Variants in MUC7 observed in about 807,000 individuals in gnomAD.
The protein encoded by MUC7 is mucin-7.
In MUC7, 2 loss-of-function variants were observed where a neutral mutation model predicts 2.5. The ratio of observed to expected loss-of-function variants is 0.81; its 90% CI spans 0.33 to 2.55. MUC7 has a LOEUF of 2.55. Ranked by LOEUF, MUC7 falls within the 30% of genes most tolerant of loss-of-function variation. The probability of loss-of-function intolerance (pLI) is 0.11; values close to 1 mark genes in which losing one functional copy is unlikely to be tolerated. For synonymous variants in MUC7, 133 were observed against 173.4 expected (o/e 0.77, Z 1.83); for missense variants, 408 against 455.6 (o/e 0.90, Z 0.95).
intron 1 of MUC7, among the ~76,000 whole-genome samples, chr4:70,472,546 C>T (rs1040326159): frequency 8.5e-5 from 13 of 152,054 alleles, no homozygotes; most frequent in African/African-American, 1.9e-4. Context: ...GTAACCATTT[C>T]GTTTTTCAAT....
At chr4:70,464,181 G>C (rs59050830) in intron 1 of MUC7, among the ~76,000 whole-genome samples, 11,620 of 152,226 alleles carry the variant, frequency 0.076, 645 homozygotes, top group East Asian at 0.19. Flanking sequence ...GGGAAGCCAT[G>C]AGGGACTGTG....
upstream of MUC7, among the ~76,000 whole-genome samples, chr4:70,469,789 A>G (rs919347941): frequency 6.6e-6 from 1 of 152,200 alleles, no homozygotes; most frequent in Non-Finnish European, 1.5e-5. Flanking sequence ...GAGAAATAGG[A>G]ATGCTTTTAT....
chr4:70,476,486 T>C (rs1577915693), intron 2 of MUC7, among the ~76,000 whole-genome samples: 1 of 152,306 alleles, frequency 6.6e-6, no homozygotes, highest in East Asian at 1.9e-4. Flanking sequence ...AAGTGCCTGG[T>C]GAGAGAAAGA....
chr4:70,461,914 A>G (rs1168173106), intron 1 of MUC7, among the ~76,000 whole-genome samples: 2 of 152,242 alleles, frequency 1.3e-5, no homozygotes, highest in Admixed American at 6.5e-5. Flanking sequence ...CATGAAAAAG[A>G]AAGGTTGACA....
chr4:70,464,975 C>T (rs1039293517), intron 1 of MUC7, among the ~76,000 whole-genome samples: 5 of 152,130 alleles, frequency 3.3e-5, no homozygotes, highest in Non-Finnish European at 5.9e-5. Flanking sequence ...CAGCAGGGTT[C>T]GGCAGACACC....
chr4:70,480,394 A>G lies in MUC7; in HGVS notation c.55-405A>G, dbSNP rs934154321. Among the ~76,000 whole-genome samples the G allele has an allele frequency of 2.6e-5, 4 of 152,174 alleles. No individual in the cohort carries two copies. In the East Asian group the frequency reaches 7.7e-4, roughly 29 times the overall value. On this transcript the variant is annotated intron_variant, in intron 2 of 2. Coordinates refer to ENST00000304887, the MANE Select transcript of MUC7 (RefSeq NM_152291.3). ...GGTGTAATCTAGAAAGGGCTCCTGGATCTCAGTTGAATGTCTTTGACTAAA... is the reference window on the plus strand; with the variant it reads ...GGTGTAATCTAGAAAGGGCTCCTGGGTCTCAGTTGAATGTCTTTGACTAAA...
intron 1 of MUC7, among the ~76,000 whole-genome samples, chr4:70,454,924 G>A (rs1411531755): frequency 2.6e-5 from 4 of 152,124 alleles, no homozygotes; most frequent in African/African-American, 7.2e-5. Flanking sequence ...ATTGTATAAC[G>A]TTTAGCCACA....
chr4:70,453,351 T>C (rs1409702334), intron 1 of MUC7, among the ~76,000 whole-genome samples: 1 of 152,184 alleles, frequency 6.6e-6, no homozygotes, highest in Non-Finnish European at 1.5e-5. Context: ...CGAAATGCAG[T>C]CCTTTCCAGT....
intron 2 of MUC7, 63 bp downstream of exon 2, chr4:70,474,138 C>A: frequency 7.2e-7 from 1 of 1,388,908 alleles, no homozygotes; most frequent in Non-Finnish European, 1.0e-6. Flanking sequence ...AGTGTACCTA[C>A]CTGAGACTTT....
In MUC7 at chr4:70,481,313, C is replaced by A. The variant is rs1345463521; in HGVS notation, c.569C>A (p.Ala190Asp). The A allele has an allele frequency of 6.2e-7, 1 of 1,612,534 alleles. No individual in the cohort carries two copies. Among genetic ancestry groups the A allele is most frequent in the Non-Finnish European group, 8.5e-7 (1 of 1,179,306 alleles). The change falls in exon 3 of 3, where the codon GCT becomes GAT. Residue 190 changes from alanine to aspartate, a missense_variant. Ala to Asp is a moderately radical substitution (Grantham distance 126, BLOSUM62 -2). Transcript: ENST00000304887. ...TCCTCAGCTCCACCAGAGACCACAGCTGCCCCACCCACACCTTCTGCAACT... is the reference window on the plus strand; with the variant it reads ...TCCTCAGCTCCACCAGAGACCACAGATGCCCCACCCACACCTTCTGCAACT... Reference protein sequence around the residue: ...PSSSAPPETTAAPPTPSATTQ... With the variant: ...PSSSAPPETTDAPPTPSATTQ...
intron 2 of MUC7, among the ~76,000 whole-genome samples, chr4:70,475,357 C>T (rs1431075518): frequency 6.6e-6 from 1 of 152,072 alleles, no homozygotes; most frequent in East Asian, 1.9e-4. Flanking sequence ...ATTAGACTTC[C>T]ACATCAAGAT....
intron 1 of MUC7, 76 bp from the exon 2 acceptor site, chr4:70,473,931 A>G: frequency 9.4e-7 from 1 of 1,061,328 alleles, no homozygotes; most frequent in Non-Finnish European, 1.4e-6. Context: ...TCTAATAAAA[A>G]TAAGTTATTT....
chr4:70,456,327 C>T (rs1734411258), intron 1 of MUC7, among the ~76,000 whole-genome samples: 1 of 152,108 alleles, frequency 6.6e-6, no homozygotes, highest in South Asian at 2.1e-4. Flanking sequence ...TGATAATAAG[C>T]ATGTCAAAAA....
At chr4:70,440,598 G>T (rs1350856000) in intron 1 of MUC7, among the ~76,000 whole-genome samples, 1 of 152,054 alleles carries the variant, frequency 6.6e-6, no homozygotes, top group East Asian at 1.9e-4. Flanking sequence ...AAAATAATTT[G>T]AATGTTTCTA....
intron 1 of MUC7, among the ~76,000 whole-genome samples, chr4:70,458,298 T>C (rs560788309): frequency 6.6e-6 from 1 of 152,134 alleles, no homozygotes; most frequent in East Asian, 1.9e-4. Flanking sequence ...GAAACCCTCT[T>C]AGCAACTAGG....
At chr4:70,450,278 A>T (rs994686496) in intron 1 of MUC7, among the ~76,000 whole-genome samples, 1 of 152,030 alleles carries the variant, frequency 6.6e-6, no homozygotes, top group Non-Finnish European at 1.5e-5. Context: ...CAATGTTTCC[A>T]AGGTCTCTTA....
intron 2 of MUC7, among the ~76,000 whole-genome samples, chr4:70,478,800 T>A (rs1319771390): frequency 1.3e-5 from 2 of 151,764 alleles, no homozygotes; most frequent in East Asian, 3.9e-4. Context: ...TTCTATTTTA[T>A]ATGAGAAAAC....
intron 1 of MUC7, among the ~76,000 whole-genome samples, chr4:70,440,087 C>T (rs1000440732): frequency 6.6e-6 from 1 of 151,908 alleles, no homozygotes; most frequent in African/African-American, 2.4e-5. Flanking sequence ...CCTAGAGATG[C>T]ACATATATGG....
At chr4:70,448,888 G>A (rs1734209947) in intron 1 of MUC7, among the ~76,000 whole-genome samples, 2 of 152,134 alleles carry the variant, frequency 1.3e-5, no homozygotes. Flanking sequence ...TTTTCTTTTA[G>A]TAGTTTCATA....
Sources: allele counts gnomAD v4.1 joint callset (sites outside exome capture counted in the v4.1 genomes callset), GRCh38; gene constraint gnomAD v4.1.1; transcripts MANE v1.5; gene names NCBI Gene and HGNC (gene_info 2026-07-23, HGNC 2026-07-21).